IL1F10: variants seen among roughly 807,000 people sequenced by gnomAD.
IL1F10 encodes interleukin-1 family member 10.
Under a neutral mutation model 13.1 loss-of-function variants are expected in IL1F10, and 13 were observed. The observed-to-expected ratio is 0.99, with a 90% confidence interval of 0.64 to 1.57. The LOEUF is 1.57. Ranked by LOEUF, IL1F10 falls within the 40% of genes most tolerant of loss-of-function variation. The pLI is 0.00. For synonymous variants in IL1F10, 78 were observed against 68.2 expected (o/e 1.14, Z -0.71); for missense variants, 191 against 184.1 (o/e 1.04, Z -0.22).
chr2:113,074,545 G>T lies in IL1F10; in HGVS notation c.118+131G>T. ...TGAGAAGGGCCAGAGAGCAGCTGTG[G>T]CCTCTCCTAGCGAGGGGACATGACT... On this transcript the variant is annotated intron_variant, in intron 3 of 4. Coordinates refer to ENST00000341010, the MANE Select transcript of IL1F10 (RefSeq NM_173161.3). The T allele has an allele frequency of 3.8e-6, 4 of 1,061,516 alleles. No homozygotes were observed. The South Asian group carries it at 3.8e-5, about 10-fold the overall frequency. 65.8% of individuals were successfully genotyped at this position (1,061,516 alleles called of 1,614,324 possible).
In IL1F10 at chr2:113,075,350, G is replaced by A. The variant is rs1573250152; in HGVS notation, c.445G>A (p.Glu149Lys). Reference protein sequence around the residue: ...EPSARTKFYFEQSW With the variant: ...EPSARTKFYFKQSW ...CTCAGCCCGTACCAAGTTTTACTTT[G>A]AACAGAGCTGGTAGGGAGACAGGAA... Residue 149 changes from glutamate (E) to lysine (K), a missense_variant, in exon 5 of 5, where the codon GAA becomes AAA. Physicochemically the swap from Glu to Lys is moderately conservative, Grantham distance 56. Transcript: ENST00000341010. 1 of 1,580,064 alleles carries A rather than the reference G, an allele frequency of 6.3e-7. No individual in the cohort carries two copies. Among genetic ancestry groups the A allele is most frequent in the Non-Finnish European group, 8.6e-7 (1 of 1,157,570 alleles).
intron 2 of IL1F10, among the ~76,000 whole-genome samples, chr2:113,074,087 C>G (rs1002051441): frequency 6.6e-6 from 1 of 152,142 alleles, no homozygotes; most frequent in Non-Finnish European, 1.5e-5. Flanking sequence ...AAGGCCTCCC[C>G]AAGCCATGAG....
chr2:113,075,198 G>C lies in IL1F10; in HGVS notation c.293G>C (p.Arg98Pro), dbSNP rs542845382. Residue 98 changes from arginine (R) to proline (P), a missense_variant, in exon 5 of 5, where the codon CGC (arginine) becomes CCC (proline). Physicochemically the swap from Arg to Pro is moderately radical, Grantham distance 103 (BLOSUM62 -2). Transcript: ENST00000341010. ...ELYKGGEEAT[R>P]FTFFQSSSGS... is the part of the protein sequence containing the mutation. ...TACAAAGGTGGTGAAGAGGCCACAC[G>C]CTTCACCTTCTTCCAGAGCAGCTCA... 5 of 1,613,482 alleles carry C rather than the reference G, an allele frequency of 3.1e-6. No homozygotes were observed. The highest frequency in any genetic ancestry group is 1.7e-5 in the Admixed American group (1 of 60,002).
In IL1F10 at chr2:113,074,784, G is replaced by A. The variant is rs751427534; in HGVS notation, c.180G>A (p.Gly60=). ...GCACCAAGGTCCCCATTTTCCTGGG[G>A]ATCCAGGGAGGGAGCCGCTGCCTGG... The part of the protein sequence containing the change: ...LARTKVPIFL[G]IQGGSRCLAC... Residue 60 remains glycine (G), a synonymous_variant, in exon 4 of 5, where the codon GGG becomes GGA. Transcript: ENST00000341010. The A allele has an allele frequency of 3.7e-6, 6 of 1,613,902 alleles. No individual in the cohort carries two copies. Among genetic ancestry groups the A allele is most frequent in the Non-Finnish European group, 4.2e-6 (5 of 1,179,966 alleles).
intron 4 of IL1F10, 148 bp downstream of exon 4, chr2:113,074,998 C>A: frequency 8.3e-7 from 1 of 1,211,632 alleles, no homozygotes; most frequent in Non-Finnish European, 1.2e-6. Flanking sequence ...CTGCACCTAG[C>A]ACCAAGACCC....
At chr2:113,069,975 A>T (rs1486508643) in intron 1 of IL1F10, among the ~76,000 whole-genome samples, 2 of 152,172 alleles carry the variant, frequency 1.3e-5, no homozygotes, top group Non-Finnish European at 2.9e-5. Flanking sequence ...TGTGCAGGAG[A>T]ATGATGAAGG....
chr2:113,070,166 A>C (rs1021646792), intron 1 of IL1F10, among the ~76,000 whole-genome samples: 1 of 152,126 alleles, frequency 6.6e-6, no homozygotes, highest in Non-Finnish European at 1.5e-5. Context: ...TGAGGAAAAT[A>C]GGGAGGGGAA....
chr2:113,068,420 G>A (rs1435151379), intron 1 of IL1F10, among the ~76,000 whole-genome samples: 1 of 150,536 alleles, frequency 6.6e-6, no homozygotes, highest in Non-Finnish European at 1.5e-5. Flanking sequence ...GGGTTCCAAA[G>A]TCTCCATTGC....
At chr2:113,074,140 C>A (rs1176263595) in intron 2 of IL1F10, among the ~76,000 whole-genome samples, 189 bp from the exon 3 acceptor site, 1 of 152,192 alleles carries the variant, frequency 6.6e-6, no homozygotes, top group Admixed American at 6.5e-5. Flanking sequence ...ACACAGGAGA[C>A]CTTCCTTGCT....
chr2:113,073,747 A>G (rs1347342870), intron 2 of IL1F10, among the ~76,000 whole-genome samples: 1 of 152,212 alleles, frequency 6.6e-6, no homozygotes, highest in African/African-American at 2.4e-5. Context: ...GAATTTGTCC[A>G]GAGGTTCTGC....
At position 113,074,800 on chromosome 2, in the gene IL1F10, C is replaced by T. The variant is rs746331319; in HGVS notation, c.196C>T (p.Arg66Cys). The change falls in exon 4 of 5, where the codon CGC becomes TGC. Residue 66 changes from arginine (R) to cysteine (C), a missense_variant. Arg to Cys is a radical substitution (Grantham distance 180). Coordinates refer to ENST00000341010, the MANE Select transcript of IL1F10 (RefSeq NM_173161.3). ...TTTCCTGGGGATCCAGGGAGGGAGCCGCTGCCTGGCATGTGTGGAGACAGA... is the reference window on the plus strand; with the variant it reads ...TTTCCTGGGGATCCAGGGAGGGAGCTGCTGCCTGGCATGTGTGGAGACAGA... ...PIFLGIQGGSRCLACVETEEG... is the reference protein window; with the variant it reads ...PIFLGIQGGSCCLACVETEEG... The T allele has an allele frequency of 3.2e-5, 52 of 1,613,478 alleles. No individual in the cohort carries two copies. The highest frequency in any genetic ancestry group is 1.8e-4 in the Middle Eastern group (1 of 5,610).
At chr2:113,069,783 C>G (rs571352290) in intron 1 of IL1F10, among the ~76,000 whole-genome samples, 4 of 152,250 alleles carry the variant, frequency 2.6e-5, no homozygotes, top group Non-Finnish European at 4.4e-5. Flanking sequence ...ACCTTGTTAG[C>G]CTTAGGGGTG....
At position 113,075,395 on chromosome 2, in the gene IL1F10, C is replaced by A; in HGVS notation, c.*31C>A. 8 of 1,494,674 alleles carry A rather than the reference C, an allele frequency of 5.4e-6. No homozygotes were observed. Among genetic ancestry groups the A allele is most frequent in the Non-Finnish European group, 7.2e-6 (8 of 1,104,642 alleles). The allele number at this position is 1,494,674 out of a possible 1,614,324, so 92.6% of individuals were successfully genotyped here. A position where few individuals can be genotyped will look rare whatever the true frequency, so the allele number is the denominator to read the frequency against. On this transcript the variant is annotated 3_prime_UTR_variant, in exon 5 of 5. Transcript: ENST00000341010. ...CAGGAAACTGCGTTTTAGCCTTGTG[C>A]CCCCAAACCAAGCTCATCCTGCTCA...
chr2:113,070,224 G>C (rs1685809443), intron 1 of IL1F10, among the ~76,000 whole-genome samples: 1 of 152,212 alleles, frequency 6.6e-6, no homozygotes. Context: ...TTGGCACACA[G>C]CAGAGGTTCA....
At chr2:113,072,855 C>G in intron 2 of IL1F10, 85 bp downstream of exon 2, 1 of 1,179,594 alleles carries the variant, frequency 8.5e-7, no homozygotes, top group South Asian at 1.3e-5. Flanking sequence ...GAGGATGAGG[C>G]TCCTTCTCAC....
chr2:113,073,406 A>G (rs1015932527), intron 2 of IL1F10, among the ~76,000 whole-genome samples: 1 of 152,170 alleles, frequency 6.6e-6, no homozygotes, highest in African/African-American at 2.4e-5. Context: ...GTCCTGGACA[A>G]GGTGGGTGGG....
At chr2:113,073,496 A>T (rs1685876051) in intron 2 of IL1F10, among the ~76,000 whole-genome samples, 1 of 152,208 alleles carries the variant, frequency 6.6e-6, no homozygotes, top group African/African-American at 2.4e-5. Context: ...ATGACAAAGC[A>T]GATGTCAGCA....
At chr2:113,069,938 C>T (rs1685801303) in intron 1 of IL1F10, among the ~76,000 whole-genome samples, 1 of 152,120 alleles carries the variant, frequency 6.6e-6, no homozygotes, top group Non-Finnish European at 1.5e-5. Context: ...TAATATTGGT[C>T]TTGGACAGAA....
chr2:113,068,999 T>C (rs1685789563), intron 1 of IL1F10, among the ~76,000 whole-genome samples: 1 of 152,224 alleles, frequency 6.6e-6, no homozygotes, highest in Non-Finnish European at 1.5e-5. Context: ...AAGCTGTAAC[T>C]CTACACTGGT....
Sources: gnomAD v4.1 joint callset for allele counts (sites outside exome capture counted in the v4.1 genomes callset) on GRCh38, gnomAD v4.1.1 for gene constraint, MANE v1.5 for transcripts, NCBI Gene and HGNC (gene_info 2026-07-23, HGNC 2026-07-21) for gene names.